Variants in FBXL17 observed in about 807,000 individuals in gnomAD.
FBXL17 encodes the protein F-box and leucine rich repeat protein 17.
A neutral mutation model predicts 66.2 loss-of-function variants in FBXL17; 22 were observed. The ratio of observed to expected loss-of-function variants is 0.33; its 90% confidence interval spans 0.24 to 0.47. The LOEUF (loss-of-function observed/expected upper bound fraction) is 0.47, where lower values mean the gene tolerates loss of function less well. Among genes scored for constraint, FBXL17 ranks in the 20% least tolerant of loss-of-function variants. The pLI, the probability that FBXL17 is intolerant of heterozygous loss-of-function variation, is 1.00. For synonymous variants in FBXL17, 474 were observed against 400.5 expected (o/e 1.18, Z -2.19); for missense variants, 878 against 948.2 (o/e 0.93, Z 0.97).
At chr5:108,245,606 G>A (rs1481904065) in intron 4 of FBXL17, among the ~76,000 whole-genome samples, 1 of 152,098 alleles carries the variant, frequency 6.6e-6, no homozygotes, top group Admixed American at 6.6e-5. Flanking sequence ...CCAATAATGG[G>A]AAGTAAGATG....
chr5:108,133,823 T>C (rs158283), intron 6 of FBXL17, among the ~76,000 whole-genome samples: 19,776 of 151,828 alleles, frequency 0.13, 1,567 homozygotes, highest in South Asian at 0.31. Flanking sequence ...TATGCTCCCA[T>C]TTCCTTGTCT....
At chr5:108,115,722 G>A (rs967866449) in intron 6 of FBXL17, among the ~76,000 whole-genome samples, 1 of 151,972 alleles carries the variant, frequency 6.6e-6, no homozygotes, top group Non-Finnish European at 1.5e-5. Context: ...TCTACAAAAT[G>A]ACCCACATAT....
intron 5 of FBXL17, among the ~76,000 whole-genome samples, chr5:108,217,166 C>T (rs1036942200): frequency 1.3e-5 from 2 of 152,034 alleles, no homozygotes; most frequent in Non-Finnish European, 2.9e-5. Flanking sequence ...TCCATAAAAA[C>T]CCTGGACCCC....
chr5:107,920,349 C>T (rs896564744), intron 7 of FBXL17, among the ~76,000 whole-genome samples: 3 of 152,136 alleles, frequency 2.0e-5, no homozygotes, highest in Non-Finnish European at 4.4e-5. Context: ...AGATTAAAGG[C>T]GTCTGCCACC....
intron 5 of FBXL17, among the ~76,000 whole-genome samples, chr5:108,188,917 A>G (rs960725873): frequency 1.3e-5 from 2 of 152,202 alleles, no homozygotes; most frequent in African/African-American, 4.8e-5. Flanking sequence ...AAGTTTCTAT[A>G]ACTTTTCTGA....
intron 1 of FBXL17, among the ~76,000 whole-genome samples, chr5:108,368,852 C>T (rs13164968): frequency 1.3e-5 from 2 of 149,458 alleles, no homozygotes; most frequent in Non-Finnish European, 3.0e-5. Flanking sequence ...AAAGTCAAGG[C>T]GGGAACTGTA....
chr5:108,080,284 A>C (rs966476960), intron 6 of FBXL17, among the ~76,000 whole-genome samples: 3 of 152,230 alleles, frequency 2.0e-5, no homozygotes, highest in Non-Finnish European at 4.4e-5. Context: ...CTGTTCTATT[A>C]ATTATTTATA....
intron 4 of FBXL17, among the ~76,000 whole-genome samples, chr5:108,275,942 A>T (rs1468237311): frequency 2.0e-5 from 3 of 152,198 alleles, no homozygotes; most frequent in African/African-American, 7.2e-5. Context: ...TGTACATTGC[A>T]TATAGATTTA....
intron 6 of FBXL17, among the ~76,000 whole-genome samples, chr5:108,109,478 TTGAC>T (rs1324772962): frequency 3.3e-5 from 5 of 152,220 alleles, no homozygotes; most frequent in Non-Finnish European, 2.9e-5. Context: ...CTTCTCTGTA[TTGAC>T]TGACTTTTTC....
At chr5:108,184,080 T>C (rs1234390393) in intron 6 of FBXL17, among the ~76,000 whole-genome samples, 10 of 151,850 alleles carry the variant, frequency 6.6e-5, no homozygotes, top group Admixed American at 5.9e-4. Context: ...TTGGGGAAAA[T>C]GGAGTCTACA....
At chr5:108,128,172 C>T (rs1200466055) in intron 6 of FBXL17, among the ~76,000 whole-genome samples, 4 of 151,154 alleles carry the variant, frequency 2.6e-5, no homozygotes, top group Admixed American at 6.6e-5. Context: ...CTTGAACATG[C>T]GAGGCAGAGC....
At chr5:107,901,538 G>T (rs954351272) in intron 7 of FBXL17, among the ~76,000 whole-genome samples, 3 of 152,150 alleles carry the variant, frequency 2.0e-5, no homozygotes, top group Non-Finnish European at 2.9e-5. Context: ...GCCCATGTAG[G>T]TAAAGGCAAC....
chr5:107,968,798 C>T (rs767553788), intron 7 of FBXL17, among the ~76,000 whole-genome samples: 2 of 152,042 alleles, frequency 1.3e-5, no homozygotes, highest in Non-Finnish European at 2.9e-5. Context: ...TCTAGTGGCT[C>T]TTATTTTAGA....
At chr5:108,314,519 T>A (rs1759268297) in intron 4 of FBXL17, among the ~76,000 whole-genome samples, 1 of 151,592 alleles carries the variant, frequency 6.6e-6, no homozygotes, top group South Asian at 2.1e-4. Flanking sequence ...AATGCCTTTA[T>A]TCACTTTAAC....
chr5:108,017,646 C>T (rs913916638), intron 7 of FBXL17, among the ~76,000 whole-genome samples: 6 of 152,108 alleles, frequency 3.9e-5, no homozygotes, highest in Admixed American at 2.6e-4. Flanking sequence ...GAATTTTAAC[C>T]GAACTCTCTG....
intron 7 of FBXL17, among the ~76,000 whole-genome samples, chr5:107,977,661 G>T (rs1480139294): frequency 6.6e-6 from 1 of 152,132 alleles, no homozygotes; most frequent in Non-Finnish European, 1.5e-5. Flanking sequence ...CAATGGATTG[G>T]CTCCAGGCAA....
intron 6 of FBXL17, among the ~76,000 whole-genome samples, chr5:108,058,326 T>G (rs1244955918): frequency 2.0e-5 from 3 of 152,210 alleles, no homozygotes; most frequent in Admixed American, 2.0e-4. Context: ...AGGAACATCT[T>G]ACATTTAGAA....
chr5:107,882,498 T>A (rs1053570058), intron 7 of FBXL17, among the ~76,000 whole-genome samples: 9 of 152,080 alleles, frequency 5.9e-5, no homozygotes, highest in East Asian at 3.9e-4. Context: ...ACAATTTTTT[T>A]AAAAAAAGTT....
At chr5:108,274,535 A>G (rs1436820079) in intron 4 of FBXL17, among the ~76,000 whole-genome samples, 1 of 152,180 alleles carries the variant, frequency 6.6e-6, no homozygotes, top group African/African-American at 2.4e-5. Flanking sequence ...ATGCTGTACA[A>G]TTTGTGCAGT....
Sources: gnomAD v4.1 joint callset for allele counts (sites outside exome capture counted in the v4.1 genomes callset) on GRCh38, gnomAD v4.1.1 for gene constraint, MANE v1.5 for transcripts, NCBI Gene and HGNC (gene_info 2026-07-23, HGNC 2026-07-21) for gene names.